DYNC2H1: variants seen among roughly 807,000 people sequenced by gnomAD.
DYNC2H1 encodes the protein cytoplasmic dynein 2 heavy chain 1.
A neutral mutation model predicts 570.0 loss-of-function variants in DYNC2H1; 410 were observed. The ratio of observed to expected loss-of-function variants is 0.72; its 90% CI spans 0.66 to 0.78. DYNC2H1 has a LOEUF of 0.78. Among genes scored for constraint, DYNC2H1 ranks in the 30% least tolerant of loss-of-function variants. The pLI, the probability that DYNC2H1 is intolerant of heterozygous loss-of-function variation, is 0.00. For missense variants in DYNC2H1, 4,865 were observed against 5,046.4 expected (o/e 0.96, Z 1.09); for synonymous variants, 1,688 against 1,677.6 (o/e 1.01, Z -0.15).
At chr11:103,371,403 C>T (rs753630001) in intron 83 of DYNC2H1, among the ~76,000 whole-genome samples, 1 of 152,080 alleles carries the variant, frequency 6.6e-6, no homozygotes, top group African/African-American at 2.4e-5. Context: ...AGGATAATAA[C>T]GAGAGCTTCT....
At position 103,376,165 on chromosome 11, in the gene DYNC2H1, C is replaced by T. The variant is rs112292269; in HGVS notation, c.12156+17806C>T. On this transcript the variant is annotated intron_variant, in intron 83 of 88. Coordinates refer to ENST00000375735, the MANE Select transcript of DYNC2H1 (RefSeq NM_001377.3). ...CTGCTGTCCTGTGAAGAGGTGCCTT[C>T]GGCCATGATTGTAAATTTCCTGAGG... Among the ~76,000 whole-genome samples, 1,190 of 152,264 alleles carry T rather than the reference C, an allele frequency of 7.8e-3. 8 individuals carry two copies. Among genetic ancestry groups the T allele is most frequent in the African/African-American group, 0.018 (757 of 41,534 alleles).
In DYNC2H1 at chr11:103,241,957, A is replaced by G. The variant is rs1411293159; in HGVS notation, c.9820-1736A>G. Reference sequence around the variant, plus strand: ...TAAACAGCATTGGTGATATAAAACTATTCGTCCACAGGGCAGATAATTCCC... The same window carrying G: ...TAAACAGCATTGGTGATATAAAACTGTTCGTCCACAGGGCAGATAATTCCC... On this transcript the variant is annotated intron_variant, in intron 63 of 88. Coordinates refer to ENST00000375735, the MANE Select transcript of DYNC2H1 (RefSeq NM_001377.3). This position sits in a 1 kb window ranked among gnomAD's most constrained non-coding sequence, Gnocchi z 5.1. Among the ~76,000 whole-genome samples the G allele has an allele frequency of 2.0e-5, 3 of 152,074 alleles. No homozygotes were observed. The highest frequency in any genetic ancestry group is 4.4e-5 in the Non-Finnish European group (3 of 68,004).
In DYNC2H1 at chr11:103,316,539, T is replaced by C. The variant is rs1357720115; in HGVS notation, c.11650-6T>C. On this transcript the variant is annotated splice_region_variant and splice_polypyrimidine_tract_variant and intron_variant, in intron 79 of 88. Coordinates refer to ENST00000375735, the MANE Select transcript of DYNC2H1 (RefSeq NM_001377.3). ...TTGTTTACTTAAAAAAATTGTTTTT[T>C]GACAGGGTTGGACAAAGTTTTATGA... is the stretch of plus-strand genomic sequence containing the variant. 1 of 1,541,386 alleles carries C rather than the reference T, an allele frequency of 6.5e-7. No homozygotes were observed. The highest frequency in any genetic ancestry group is 8.7e-7 in the Non-Finnish European group (1 of 1,144,842).
intron 31 of DYNC2H1, among the ~76,000 whole-genome samples, chr11:103,167,354 A>G (rs1410117653): frequency 6.6e-6 from 1 of 150,944 alleles, no homozygotes; most frequent in Non-Finnish European, 1.5e-5. Context: ...TGCAGCCTTG[A>G]CCTCCTGAGC....
At chr11:103,444,168 T>C (rs1173800808) in intron 85 of DYNC2H1, among the ~76,000 whole-genome samples, 1 of 151,758 alleles carries the variant, frequency 6.6e-6, no homozygotes, top group Non-Finnish European at 1.5e-5. Context: ...TAATCTAATA[T>C]TTATATTAAT....
intron 85 of DYNC2H1, among the ~76,000 whole-genome samples, chr11:103,454,039 A>G (rs1944704278): frequency 6.6e-6 from 1 of 152,056 alleles, no homozygotes; most frequent in African/African-American, 2.4e-5. Context: ...TTGGTAGAGG[A>G]ACATAGGAAC....
rs1378899169 is a variant in DYNC2H1, at chr11:103,244,599, G to T, written c.9919-652G>T. On this transcript the variant is annotated intron_variant, in intron 64 of 88. Transcript: ENST00000375735. This position sits in a 1 kb window ranked among gnomAD's most constrained non-coding sequence, Gnocchi z 4.3. ...TAACTATATATGCAAATCATTTATG[G>T]TTTGCAATATTATGTATGACTACAT... Among the ~76,000 whole-genome samples the T allele has an allele frequency of 6.7e-6, 1 of 148,208 alleles. No homozygotes were observed. The highest frequency in any genetic ancestry group is 2.0e-4 in the East Asian group (1 of 5,114).
At chr11:103,411,546 A>G (rs1037267642) in intron 84 of DYNC2H1, among the ~76,000 whole-genome samples, 1 of 152,064 alleles carries the variant, frequency 6.6e-6, no homozygotes, top group Non-Finnish European at 1.5e-5. Flanking sequence ...CTTGAAAAAA[A>G]AAGGATAATT....
At chr11:103,424,448 T>C (rs1310234233) in intron 84 of DYNC2H1, among the ~76,000 whole-genome samples, 1 of 152,152 alleles carries the variant, frequency 6.6e-6, no homozygotes, top group African/African-American at 2.4e-5. Context: ...TTGCCCACTA[T>C]ATCACTCGTG....
At chr11:103,218,658 G>A (rs1162450242) in intron 55 of DYNC2H1, among the ~76,000 whole-genome samples, 2 of 152,006 alleles carry the variant, frequency 1.3e-5, no homozygotes, top group African/African-American at 2.4e-5. Context: ...GAAAATATTC[G>A]GCATTATGTG....
At chr11:103,370,156 AG>A (rs1219194454) in intron 83 of DYNC2H1, among the ~76,000 whole-genome samples, 1 of 152,228 alleles carries the variant, frequency 6.6e-6, no homozygotes, top group Non-Finnish European at 1.5e-5. Context: ...TTGGGCCTTA[AG>A]GGAATATCAG....
At chr11:103,253,496 T>C (rs1864923140) in intron 66 of DYNC2H1, 48 bp downstream of exon 66, 1 of 1,544,728 alleles carries the variant, frequency 6.5e-7, no homozygotes. Flanking sequence ...TCGAGCTTTA[T>C]ATACCTATTA....
At chr11:103,435,911 C>T (rs370233200) in intron 84 of DYNC2H1, 32 bp from the exon 85 acceptor site, 162 of 1,603,476 alleles carry the variant, frequency 1.0e-4, no homozygotes, top group Non-Finnish European at 1.3e-4. Context: ...ATCATATACA[C>T]AAACTTAATT....
intron 87 of DYNC2H1, among the ~76,000 whole-genome samples, chr11:103,463,555 G>C (rs1945092690): frequency 6.6e-6 from 1 of 152,120 alleles, no homozygotes; most frequent in Admixed American, 6.5e-5. Flanking sequence ...TTTAAGACCA[G>C]CCTGAGCAAC....
intron 69 of DYNC2H1, among the ~76,000 whole-genome samples, chr11:103,258,216 G>T (rs1241938816): frequency 6.6e-6 from 1 of 152,230 alleles, no homozygotes; most frequent in South Asian, 2.1e-4. Context: ...ATAACAAATT[G>T]TTTTAACTAA....
chr11:103,109,491 A>C lies in DYNC2H1; in HGVS notation c.-84A>C. On this transcript the variant is annotated 5_prime_UTR_variant, in exon 1 of 89. Coordinates refer to ENST00000375735, the MANE Select transcript of DYNC2H1 (RefSeq NM_001377.3). The stretch of plus-strand genomic sequence containing the variant: ...GCGGTCGGGCTACGGGTTTGAGCAA[A>C]GCTCCTCTCTTCCCTTCACTTCCCT... 2 of 1,337,390 alleles carry C rather than the reference A, an allele frequency of 1.5e-6. No individual in the cohort carries two copies. The highest frequency in any genetic ancestry group is 2.1e-6 in the Non-Finnish European group (2 of 972,842). The allele number at this position is 1,337,390 out of a possible 1,614,324, so 82.8% of individuals were successfully genotyped here.
In DYNC2H1 at chr11:103,253,294, A is replaced by G. The variant is rs1442777752; in HGVS notation, c.10052A>G (p.Tyr3351Cys). 1.2e-6 allele frequency: 2 copies of G among 1,611,788 alleles called. No individual in the cohort carries two copies. Among genetic ancestry groups the G allele is most frequent in the African/African-American group, 1.3e-5 (1 of 75,008 alleles). ...TGTTTTTTTTAAATAGGACCACGTT[A>G]TGTGGTACAAATAGGTGACAAAATT... ...RRDLVAQGPR[Y>C]VVQIGDKIID... is the part of the protein sequence containing the mutation. The change falls in exon 66 of 89, where the codon TAT becomes TGT. Residue 3351 changes from tyrosine to cysteine, a missense_variant. Tyr to Cys is a radical substitution (Grantham distance 194). Transcript: ENST00000375735.
chr11:103,134,700 T>C (rs745575852), intron 15 of DYNC2H1, among the ~76,000 whole-genome samples: 117 of 152,210 alleles, frequency 7.7e-4, no homozygotes, highest in Middle Eastern at 3.4e-3. Flanking sequence ...TAAATATCTA[T>C]CACTTATTAG....
In DYNC2H1 at chr11:103,204,111, AG is replaced by A. The variant is rs1346594188; in HGVS notation, c.8311+336del. On this transcript the variant is annotated intron_variant, in intron 51 of 88. Transcript: ENST00000375735. The surrounding 1 kb of genome is among the most constrained non-coding windows in gnomAD (Gnocchi z 4.1). ...GTCATATTTTACATGGATGGCAGCA[AG>A]CAAAGGAGGGCTTGTGCAGAAAAAC... is the stretch of plus-strand genomic sequence containing the variant. Among the ~76,000 whole-genome samples, 15 of 152,112 alleles carry A rather than the reference AG, an allele frequency of 9.9e-5. 2 individuals are homozygous for A. Among genetic ancestry groups the A allele is most frequent in the Admixed American group, 9.2e-4 (14 of 15,250 alleles).
Sources: gnomAD v4.1 joint callset for allele counts (sites outside exome capture counted in the v4.1 genomes callset) on GRCh38, gnomAD v4.1.1 for gene constraint, Gnocchi (gnomAD v3.1) non-coding constraint, MANE v1.5 for transcripts, NCBI Gene and HGNC (gene_info 2026-07-23, HGNC 2026-07-21) for gene names.